Variants in EEFSEC observed in about 807,000 individuals in gnomAD.
EEFSEC encodes the protein eukaryotic elongation factor, selenocysteine-tRNA specific.
Under a neutral mutation model 42.1 loss-of-function variants are expected in EEFSEC, and 43 were observed. The observed-to-expected ratio is 1.02, with a 90% CI of 0.80 to 1.32. The LOEUF (loss-of-function observed/expected upper bound fraction) is 1.32. Ranked by LOEUF, EEFSEC falls within the 40% of genes most tolerant of loss-of-function variation. The probability of loss-of-function intolerance (pLI) is 0.00; values close to 1 mark genes in which losing one functional copy is unlikely to be tolerated. For synonymous variants in EEFSEC, 354 were observed against 339.1 expected (o/e 1.04, Z -0.48); for missense variants, 745 against 803.6 (o/e 0.93, Z 0.88).
chr3:128,420,630 C>T, the EEFSEC span, among the ~76,000 whole-genome samples: 4 of 152,224 alleles, frequency 2.6e-5, no homozygotes, highest in Non-Finnish European at 5.9e-5. Flanking sequence ...CTCATCAGCT[C>T]CTTTTCCTGG....
intron 4 of EEFSEC, among the ~76,000 whole-genome samples, chr3:128,281,019 C>G (rs2066520547): frequency 6.6e-6 from 1 of 152,196 alleles, no homozygotes; most frequent in South Asian, 2.1e-4. Context: ...TTTGCTGACT[C>G]TTTCATTACC....
intron 1 of EEFSEC, among the ~76,000 whole-genome samples, chr3:128,219,850 G>C (rs2065845460): frequency 6.6e-6 from 1 of 151,746 alleles, no homozygotes; most frequent in Non-Finnish European, 1.5e-5. Context: ...CTGGGACCCA[G>C]TGCTACCCTA....
In EEFSEC at chr3:128,341,257, C is replaced by A. The variant is rs750034735; in HGVS notation, c.811C>A (p.Gln271Lys). The change falls in exon 5 of 7, where the codon CAG becomes AAG. Residue 271 changes from glutamine (Q) to lysine (K), a missense_variant. Gln to Lys is a moderately conservative substitution (Grantham distance 53, BLOSUM62 1). Coordinates refer to ENST00000254730, the MANE Select transcript of EEFSEC (RefSeq NM_021937.5). ...LKVVKKVKSM[Q>K]MFHMPITSAM... ...GGTGGTGAAGAAGGTGAAGTCCATG[C>A]AGATGTTCCACATGCCCATCACTTC... The A allele has an allele frequency of 2.9e-5, 47 of 1,611,498 alleles. No individual in the cohort carries two copies. The highest frequency in any genetic ancestry group is 4.0e-5 in the Non-Finnish European group (47 of 1,178,774).
chr3:128,232,970 T>C (rs934280599), intron 1 of EEFSEC, among the ~76,000 whole-genome samples: 24 of 152,358 alleles, frequency 1.6e-4, no homozygotes, highest in African/African-American at 5.8e-4. Context: ...CTCTGCCTCT[T>C]GTCCTCCCAG....
chr3:128,349,708 G>T (rs2067360151), intron 5 of EEFSEC, among the ~76,000 whole-genome samples: 2 of 152,184 alleles, frequency 1.3e-5, no homozygotes, highest in Non-Finnish European at 2.9e-5. Flanking sequence ...AACAAAGGGG[G>T]TCCTGCCAGC....
intron 4 of EEFSEC, among the ~76,000 whole-genome samples, chr3:128,339,222 C>T (rs2067223694): frequency 6.6e-6 from 1 of 152,152 alleles, no homozygotes. Flanking sequence ...CCCCTGACCT[C>T]TGGTTAGGTA....
chr3:128,194,173 CAG>C (rs1407550552), intron 1 of EEFSEC, among the ~76,000 whole-genome samples: 4 of 152,214 alleles, frequency 2.6e-5, no homozygotes, highest in Admixed American at 2.6e-4. Context: ...ATAAAAAAGA[CAG>C]GGTGCCCACA....
chr3:128,255,382 A>G (rs1479311753), intron 2 of EEFSEC, among the ~76,000 whole-genome samples: 1 of 152,182 alleles, frequency 6.6e-6, no homozygotes, highest in Non-Finnish European at 1.5e-5. Flanking sequence ...AGCGATTGCA[A>G]GGGAAGAGCA....
At chr3:128,293,164 G>A (rs747547002) in intron 4 of EEFSEC, among the ~76,000 whole-genome samples, 2 of 152,130 alleles carry the variant, frequency 1.3e-5, no homozygotes, top group African/African-American at 2.4e-5. Context: ...TCTGTCCTCT[G>A]AAGTTTGTTG....
At chr3:128,330,125 A>G (rs1481110589) in intron 4 of EEFSEC, among the ~76,000 whole-genome samples, 2 of 152,216 alleles carry the variant, frequency 1.3e-5, no homozygotes, top group South Asian at 4.1e-4. Flanking sequence ...TAATTCATTT[A>G]AAGTTTTATG....
chr3:128,344,368 C>G (rs924330913), intron 5 of EEFSEC, among the ~76,000 whole-genome samples: 1 of 152,222 alleles, frequency 6.6e-6, no homozygotes, highest in Non-Finnish European at 1.5e-5. Flanking sequence ...TTAAATCAAT[C>G]AAATTATGTG....
At chr3:128,286,344 C>T (rs896922164) in intron 4 of EEFSEC, among the ~76,000 whole-genome samples, 4 of 152,214 alleles carry the variant, frequency 2.6e-5, no homozygotes, top group Non-Finnish European at 5.9e-5. Context: ...AGGCGGGAAG[C>T]AGGAGGGAGT....
At chr3:128,397,090 AGCCCCACT>A (rs2067989940) in intron 6 of EEFSEC, among the ~76,000 whole-genome samples, 1 of 152,212 alleles carries the variant, frequency 6.6e-6, no homozygotes, top group Admixed American at 6.5e-5. Context: ...CACCTGGCTC[AGCCCCACT>A]GCCCTGGGCC....
chr3:128,383,717 G>C (rs1185371880), intron 6 of EEFSEC, among the ~76,000 whole-genome samples: 1 of 152,262 alleles, frequency 6.6e-6, no homozygotes, highest in Non-Finnish European at 1.5e-5. Flanking sequence ...CAGGCCCTGA[G>C]TCAGAGGTGC....
chr3:128,209,565 A>G (rs570607755), intron 1 of EEFSEC, among the ~76,000 whole-genome samples: 18 of 152,338 alleles, frequency 1.2e-4, no homozygotes, highest in African/African-American at 4.1e-4. Context: ...TGCCATATAT[A>G]TTCTGATTTA....
intron 2 of EEFSEC, among the ~76,000 whole-genome samples, chr3:128,252,767 G>A (rs1239138381): frequency 1.3e-5 from 2 of 152,100 alleles, no homozygotes; most frequent in African/African-American, 2.4e-5. Context: ...GCTAACGAAC[G>A]TCAGCTTGCA....
At chr3:128,412,636 G>C (rs2068181908), downstream of EEFSEC, among the ~76,000 whole-genome samples, 1 of 152,254 alleles carries the variant, frequency 6.6e-6, no homozygotes, top group Admixed American at 6.5e-5. Context: ...TGAGGTCATA[G>C]CTCCAGACCC....
At chr3:128,190,332 T>C (rs757224720) in intron 1 of EEFSEC, among the ~76,000 whole-genome samples, 4 of 152,218 alleles carry the variant, frequency 2.6e-5, no homozygotes, top group Non-Finnish European at 5.9e-5. Flanking sequence ...AAGACAGTGA[T>C]GTTGATGATC....
intron 4 of EEFSEC, among the ~76,000 whole-genome samples, chr3:128,322,647 A>T (rs1397206292): frequency 6.6e-6 from 1 of 152,232 alleles, no homozygotes; most frequent in Non-Finnish European, 1.5e-5. Context: ...AGCCGTTCAG[A>T]CATGAGAGTA....
Sources: allele counts gnomAD v4.1 joint callset (sites outside exome capture counted in the v4.1 genomes callset), GRCh38; gene constraint gnomAD v4.1.1; transcripts MANE v1.5; gene names NCBI Gene and HGNC (gene_info 2026-07-23, HGNC 2026-07-21).